FBXO25: variants seen among roughly 807,000 people sequenced by gnomAD.
FBXO25 encodes F-box protein 25.
Under a neutral mutation model 51.9 loss-of-function variants are expected in FBXO25, and 45 were observed. The ratio of observed to expected loss-of-function variants is 0.87; its 90% confidence interval spans 0.68 to 1.11. The LOEUF (loss-of-function observed/expected upper bound fraction) is 1.11, where lower values mean the gene tolerates loss of function less well. Among genes scored for constraint, FBXO25 ranks in the 50% most tolerant of loss-of-function variants. The pLI is 0.00. For synonymous variants in FBXO25, 199 were observed against 151.0 expected (o/e 1.32, Z -2.33); for missense variants, 507 against 428.5 (o/e 1.18, Z -1.62).
intron 4 of FBXO25, among the ~76,000 whole-genome samples, chr8:433,432 G>A (rs2117633810): frequency 6.6e-6 from 1 of 152,278 alleles, no homozygotes; most frequent in East Asian, 1.9e-4. Flanking sequence ...TGTCCTCCCT[G>A]TGGCGTGTTT....
chr8:442,923 C>T (rs561351568), intron 5 of FBXO25, among the ~76,000 whole-genome samples: 3 of 152,300 alleles, frequency 2.0e-5, no homozygotes, highest in African/African-American at 7.2e-5. Flanking sequence ...TAATTCCAGG[C>T]ATTTCCTATA....
intron 2 of FBXO25, among the ~76,000 whole-genome samples, chr8:414,498 G>A (rs970332318): frequency 1.3e-5 from 2 of 152,146 alleles, no homozygotes; most frequent in Non-Finnish European, 2.9e-5. Flanking sequence ...GAAGTGCAGT[G>A]TTACTGCTGC....
chr8:426,067 C>T lies in FBXO25; in HGVS notation c.135-5274C>T, dbSNP rs1797456776. Reference sequence around the variant, plus strand: ...CAGAACACTGGTGGTTGTTCTTTGTCTGCATTGTGCACGCTGTTAACCATG... The same window carrying T: ...CAGAACACTGGTGGTTGTTCTTTGTTTGCATTGTGCACGCTGTTAACCATG... On this transcript the variant is annotated intron_variant, in intron 2 of 9. Transcript: ENST00000350302. 2.0e-5 allele frequency among the ~76,000 whole-genome samples: 3 copies of T among 152,146 alleles called. No individual in the cohort carries two copies. The South Asian group carries it at 6.2e-4, about 32-fold the overall frequency.
intron 5 of FBXO25, among the ~76,000 whole-genome samples, chr8:446,467 G>C (rs1421756620): frequency 5.3e-5 from 8 of 152,222 alleles, no homozygotes; most frequent in Admixed American, 5.2e-4. Context: ...CTAGGATTCA[G>C]ATTAGGAAAT....
rs375794918 is a variant in FBXO25, at chr8:417,909, T to C, written c.134+4696T>C. 1.2e-4 allele frequency among the ~76,000 whole-genome samples: 18 copies of C among 152,376 alleles called. No individual in the cohort carries two copies. The South Asian group carries it at 3.3e-3, about 28-fold the overall frequency. Reference sequence around the variant, plus strand: ...ATATCTCTTTGCATACTTGTGTGAATATTTATGAAATCTAAGGTCCTAATA... The same window carrying C: ...ATATCTCTTTGCATACTTGTGTGAACATTTATGAAATCTAAGGTCCTAATA... On this transcript the variant is annotated intron_variant, in intron 2 of 9. Coordinates refer to ENST00000350302, the MANE Select transcript of FBXO25 (RefSeq NM_183420.2).
At chr8:449,718 C>T (rs920140146) in intron 5 of FBXO25, among the ~76,000 whole-genome samples, 40 of 152,188 alleles carry the variant, frequency 2.6e-4, no homozygotes, top group African/African-American at 7.0e-4. Context: ...GCCTGGGCTC[C>T]GGGAGGAGAT....
chr8:407,538 T>C, intron 1 of FBXO25: 1 of 732,408 alleles, frequency 1.4e-6, no homozygotes, highest in Non-Finnish European at 1.7e-6. Flanking sequence ...CTGCCCACCT[T>C]CTGCGACCCC....
At position 474,754 on chromosome 8, in the gene FBXO25, G is replaced by C. The variant is rs554030765; in HGVS notation, c.*5950G>C. The C allele has an allele frequency of 6.6e-6, 3 of 456,576 alleles. No individual in the cohort carries two copies. Among genetic ancestry groups the C allele is most frequent in the South Asian group, 3.1e-5 (2 of 64,556 alleles). 28.3% of individuals were successfully genotyped at this position (456,576 alleles called of 1,614,324 possible). ...ATGTTCTGGGTATTCACCCTTTTCA[G>C]ATATATCATTTTAAAATACTTTGTC... On this transcript the variant is annotated 3_prime_UTR_variant, in exon 10 of 10. Coordinates refer to ENST00000350302, the MANE Select transcript of FBXO25 (RefSeq NM_183420.2).
At chr8:451,869 T>A (rs1172017162) in intron 7 of FBXO25, among the ~76,000 whole-genome samples, 3 of 152,248 alleles carry the variant, frequency 2.0e-5, no homozygotes, top group Non-Finnish European at 4.4e-5. Flanking sequence ...GTGTTTATAG[T>A]TCTTAGCAAC....
At chr8:411,831 T>C (rs1437880703) in intron 1 of FBXO25, among the ~76,000 whole-genome samples, 3 of 152,150 alleles carry the variant, frequency 2.0e-5, no homozygotes, top group East Asian at 3.9e-4. Context: ...GAATCAGCAG[T>C]GTGAGCATCT....
intron 2 of FBXO25, among the ~76,000 whole-genome samples, chr8:426,806 T>G (rs868311850): frequency 7.8e-6 from 1 of 128,678 alleles, no homozygotes; most frequent in Non-Finnish European, 1.8e-5. Context: ...TGGCTGTGGC[T>G]CCACCTGGCC....
chr8:428,065 G>A (rs1398736664), intron 2 of FBXO25, among the ~76,000 whole-genome samples: 3 of 152,110 alleles, frequency 2.0e-5, no homozygotes, highest in Non-Finnish European at 2.9e-5. Context: ...ATAGAAATTG[G>A]GGTTTAATTA....
chr8:434,823 G>A (rs554071737), intron 4 of FBXO25, among the ~76,000 whole-genome samples: 42 of 152,286 alleles, frequency 2.8e-4, no homozygotes, highest in Non-Finnish European at 5.4e-4. Context: ...GTATATCATG[G>A]AAGAAAAACA....
intron 5 of FBXO25, among the ~76,000 whole-genome samples, chr8:439,207 C>G (rs1798275718): frequency 6.6e-6 from 1 of 152,178 alleles, no homozygotes; most frequent in South Asian, 2.1e-4. Flanking sequence ...GAGTCCTGGG[C>G]TTGCTTATAG....
chr8:460,142 C>T (rs1198294593), intron 8 of FBXO25, among the ~76,000 whole-genome samples: 3 of 152,122 alleles, frequency 2.0e-5, no homozygotes, highest in Non-Finnish European at 2.9e-5. Flanking sequence ...CTGGGACACT[C>T]CCTATCACGT....
At chr8:412,947 C>T (rs1584997804) in intron 1 of FBXO25, 126 bp from the exon 2 acceptor site, 17 of 910,914 alleles carry the variant, frequency 1.9e-5, no homozygotes, top group South Asian at 5.1e-5. Context: ...GTCGAGCCAA[C>T]GTTTAATTAA....
chr8:407,692 GTGA>G lies in FBXO25; in HGVS notation c.-8+627_-8+629del, dbSNP rs1488562885. 2.6e-5 allele frequency among the ~76,000 whole-genome samples: 4 copies of G among 152,060 alleles called. No individual in the cohort carries two copies. The East Asian group carries it at 7.8e-4, about 29-fold the overall frequency. ...CTTCGCCGGTGGGCACCTGCTAGGT[GTGA>G]CCCCTCATTCCTCCAGGCCACTCTG... On this transcript the variant is annotated intron_variant, in intron 1 of 9. Transcript: ENST00000350302.
chr8:462,927 A>C, intron 8 of FBXO25, 80 bp from the exon 9 acceptor site: 1 of 1,493,744 alleles, frequency 6.7e-7, no homozygotes. Context: ...AAACTAAAAT[A>C]AAATGAAAAA....
chr8:408,897 T>G (rs1485548965), intron 1 of FBXO25, among the ~76,000 whole-genome samples: 2 of 152,360 alleles, frequency 1.3e-5, no homozygotes, highest in Non-Finnish European at 2.9e-5. Context: ...GTGCTTGCTC[T>G]TAAAAGTTTA....
Sources: allele counts gnomAD v4.1 joint callset (sites outside exome capture counted in the v4.1 genomes callset), GRCh38; gene constraint gnomAD v4.1.1; transcripts MANE v1.5; gene names NCBI Gene and HGNC (gene_info 2026-07-23, HGNC 2026-07-21).